Variants in APPL1 observed in about 807,000 individuals in gnomAD.
APPL1 encodes the protein adaptor protein, phosphotyrosine interacting with PH domain and leucine zipper 1.
APPL1 carries 42 observed loss-of-function variants against 106.8 expected under a neutral mutation model. The ratio of observed to expected loss-of-function variants is 0.39; its 90% CI spans 0.31 to 0.51. APPL1 has a LOEUF of 0.51. Among genes scored for constraint, APPL1 ranks in the 20% least tolerant of loss-of-function variants. The pLI, the probability that APPL1 is intolerant of heterozygous loss-of-function variation, is 0.75. For synonymous variants in APPL1, 263 were observed against 281.8 expected (o/e 0.93, Z 0.67); for missense variants, 769 against 858.2 (o/e 0.90, Z 1.30).
rs1449263073 is a variant in APPL1, at chr3:57,249,441, G to T, written c.945G>T (p.Gly315=). Residue 315 remains glycine, a synonymous_variant, in exon 11 of 22, where the codon GGG becomes GGT. Transcript: ENST00000288266. ...GAAATTTAATGAGTCAGGCCCGTGG[G>T]GATGTAGCAGGAGGCCTGGCCATGG... ...QGGNLMSQAR[G]DVAGGLAMDI... is the part of the protein sequence containing the mutation. 2 of 1,614,040 alleles carry T rather than the reference G, an allele frequency of 1.2e-6. No homozygotes were observed. Among genetic ancestry groups the T allele is most frequent in the Non-Finnish European group, 1.7e-6 (2 of 1,180,040 alleles).
intron 3 of APPL1, 25 bp downstream of exon 3, chr3:57,237,576 G>A (rs1167489094): frequency 6.6e-7 from 1 of 1,508,142 alleles, no homozygotes; most frequent in Non-Finnish European, 9.1e-7. Flanking sequence ...AGTTTTAAAA[G>A]CATAATTTTA....
intron 19 of APPL1, among the ~76,000 whole-genome samples, chr3:57,264,301 T>A (rs2060883162): frequency 1.3e-5 from 2 of 152,164 alleles, no homozygotes; most frequent in African/African-American, 4.8e-5. Context: ...AGATGAGTAG[T>A]TTACAAATAT....
Position 57,242,441 on chromosome 3 carries a change from A to G in APPL1, c.415+299A>G, listed in dbSNP as rs568095507. ...TTTCTTTAATGAGTGTTATATATAT[A>G]TATATTTTAAGATACAGGGTCTTGC... On this transcript the variant is annotated intron_variant, in intron 6 of 21. Transcript: ENST00000288266. Among the ~76,000 whole-genome samples the G allele has an allele frequency of 3.3e-5, 5 of 152,080 alleles. No individual in the cohort carries two copies. The East Asian group carries it at 9.6e-4, about 29-fold the overall frequency.
chr3:57,249,232 T>A, intron 10 of APPL1, 128 bp from the exon 11 acceptor site: 1 of 803,058 alleles, frequency 1.2e-6, no homozygotes, highest in Non-Finnish European at 2.0e-6. Context: ...ATATTTATAT[T>A]TATTTTCTTG....
In APPL1 at chr3:57,268,441, A is replaced by G. The variant is rs1559515960; in HGVS notation, c.1937A>G (p.Lys646Arg). The change falls in exon 21 of 22, where the codon AAA becomes AGA. Residue 646 changes from lysine (K) to arginine (R), a missense_variant. By Grantham distance (26) the Lys-to-Arg change is conservative. Coordinates refer to ENST00000288266, the MANE Select transcript of APPL1 (RefSeq NM_012096.3). ...SEKQKEIERV[K>R]EKQQKELNKQ... ...AAACAAAAAGAAATAGAGAGAGTAA[A>G]AGAGAAGCAACAGAAAGAACTCAAT... 6.2e-7 allele frequency: 1 copy of G among 1,604,592 alleles called. No homozygotes were observed. The highest frequency in any genetic ancestry group is 8.5e-7 in the Non-Finnish European group (1 of 1,174,930).
chr3:57,257,450 A>G, intron 15 of APPL1, 22 bp downstream of exon 15: 1 of 1,596,258 alleles, frequency 6.3e-7, no homozygotes, highest in Non-Finnish European at 8.5e-7. Context: ...CATCACAGGT[A>G]CATTGTGCTG....
chr3:57,233,264 G>GA (rs2060697935), intron 1 of APPL1, among the ~76,000 whole-genome samples: 1 of 152,086 alleles, frequency 6.6e-6, no homozygotes, highest in Non-Finnish European at 1.5e-5. Context: ...TCTTACAATG[G>GA]ATACCATCGT....
At chr3:57,240,422 T>A in intron 4 of APPL1, 43 bp from the exon 5 acceptor site, 1 of 1,427,396 alleles carries the variant, frequency 7.0e-7, no homozygotes, top group Non-Finnish European at 9.9e-7. Flanking sequence ...TGGTTAAATG[T>A]CTGTGTATAG....
chr3:57,260,413 T>C, intron 18 of APPL1: 2 of 541,894 alleles, frequency 3.7e-6, no homozygotes, highest in Non-Finnish European at 3.0e-6. Flanking sequence ...TGTTAATGAC[T>C]AATAAAACAA....
At chr3:57,262,421 C>T (rs59932697) in intron 19 of APPL1, among the ~76,000 whole-genome samples, 18,021 of 59,078 alleles carry the variant, frequency 0.31, 1,797 homozygotes, top group Non-Finnish European at 0.33. Flanking sequence ...GAGACAGACT[C>T]TTGCTCTGTT....
intron 7 of APPL1, among the ~76,000 whole-genome samples, chr3:57,243,832 A>AT (rs2060758900): frequency 2.0e-5 from 3 of 152,190 alleles, no homozygotes; most frequent in Non-Finnish European, 4.4e-5. Context: ...TGCTCAAAGT[A>AT]TTTTAAAAAA....
chr3:57,229,182 A>T (rs974670507), intron 1 of APPL1, among the ~76,000 whole-genome samples: 1 of 152,154 alleles, frequency 6.6e-6, no homozygotes, highest in Non-Finnish European at 1.5e-5. Flanking sequence ...TTTTTTCTTG[A>T]TGATTTCTCC....
At chr3:57,262,914 G>A (rs561960450) in intron 19 of APPL1, among the ~76,000 whole-genome samples, 1 of 148,398 alleles carries the variant, frequency 6.7e-6, no homozygotes, top group Non-Finnish European at 1.5e-5. Context: ...GCAATGGCGC[G>A]ATCTTGGCTC....
chr3:57,227,936 A>C lies in APPL1; in HGVS notation c.53A>C (p.Gln18Pro). 1 of 1,441,630 alleles carries C rather than the reference A, an allele frequency of 6.9e-7. No individual in the cohort carries two copies. Among genetic ancestry groups the C allele is most frequent in the Non-Finnish European group, 9.2e-7 (1 of 1,089,638 alleles). 89.3% of individuals were successfully genotyped at this position (1,441,630 alleles called of 1,614,324 possible). A position where few individuals can be genotyped will look rare whatever the true frequency, so the allele number is the denominator to read the frequency against. The change falls in exon 1 of 22, where the codon CAG (glutamine) becomes CCG (proline). Residue 18 changes from glutamine (Q) to proline (P), a missense_variant and splice_region_variant. Gln to Pro is a moderately conservative substitution (Grantham distance 76). Coordinates refer to ENST00000288266, the MANE Select transcript of APPL1 (RefSeq NM_012096.3). ...GAGGAGACGCTGGAGGACAGCCCGCAGGTGAGGCGCGGGAGCTGGTGGGCG... is the reference window on the plus strand; with the variant it reads ...GAGGAGACGCTGGAGGACAGCCCGCCGGTGAGGCGCGGGAGCTGGTGGGCG... ...PIEETLEDSP[Q>P]TRSLLGVFEE...
chr3:57,269,480 G>A (rs1011814601), intron 21 of APPL1, 61 bp from the exon 22 acceptor site: 6 of 1,579,242 alleles, frequency 3.8e-6, no homozygotes, highest in South Asian at 2.3e-5. Context: ...TATCTTAACT[G>A]CATAATTTGC....
Position 57,259,860 on chromosome 3 carries a change from A to G in APPL1, c.1499A>G (p.Gln500Arg), listed in dbSNP as rs1248377911. The G allele has an allele frequency of 6.3e-7, 1 of 1,595,036 alleles. No individual in the cohort carries two copies. The highest frequency in any genetic ancestry group is 8.5e-7 in the Non-Finnish European group (1 of 1,173,980). Reference protein sequence around the residue: ...KSETEDSILHQLFIVRFLGSM... With the variant: ...KSETEDSILHRLFIVRFLGSM... ...TCTATTATAGATTCTATTCTTCATC[A>G]GTTATTTATTGTCCGATTCCTTGGT... The change falls in exon 17 of 22, where the codon CAG becomes CGG. Residue 500 changes from glutamine to arginine, a missense_variant. Coordinates refer to ENST00000288266, the MANE Select transcript of APPL1 (RefSeq NM_012096.3).
intron 15 of APPL1, 127 bp downstream of exon 15, chr3:57,257,555 T>G: frequency 1.3e-6 from 1 of 782,902 alleles, no homozygotes; most frequent in Non-Finnish European, 1.8e-6. Flanking sequence ...TGTTTAATTA[T>G]GTAACATATT....
chr3:57,255,380 T>C (rs543722956), intron 13 of APPL1, among the ~76,000 whole-genome samples: 4 of 152,288 alleles, frequency 2.6e-5, no homozygotes, highest in South Asian at 2.1e-4. Context: ...GTGGATTAGA[T>C]GGGAGGCCTA....
At chr3:57,236,040 C>T (rs2060714588) in intron 2 of APPL1, among the ~76,000 whole-genome samples, 1 of 124,782 alleles carries the variant, frequency 8.0e-6, no homozygotes, top group South Asian at 3.1e-4. Flanking sequence ...CTTCCCCACC[C>T]CCACTTTTTT....
Sources: gnomAD v4.1 joint callset for allele counts (sites outside exome capture counted in the v4.1 genomes callset) on GRCh38, gnomAD v4.1.1 for gene constraint, MANE v1.5 for transcripts, NCBI Gene and HGNC (gene_info 2026-07-23, HGNC 2026-07-21) for gene names.